CDH13: variants seen among roughly 807,000 people sequenced by gnomAD.
CDH13 encodes the protein cadherin 13.
Under a neutral mutation model 63.8 loss-of-function variants are expected in CDH13, and 24 were observed. That is an observed-to-expected ratio of 0.38 (90% CI 0.27 to 0.53). CDH13 has a LOEUF of 0.53. Among genes scored for constraint, CDH13 ranks in the 20% least tolerant of loss-of-function variants. CDH13 has a pLI of 0.85. For synonymous variants in CDH13, 503 were observed against 355.3 expected (o/e 1.42, Z -4.67); for missense variants, 1,049 against 903.1 (o/e 1.16, Z -2.07).
chr16:82,949,696 A>G lies in CDH13; in HGVS notation c.158-82314A>G, dbSNP rs28550766. Among the ~76,000 whole-genome samples the G allele has an allele frequency of 3.9e-3, 591 of 152,034 alleles. 3 individuals are homozygous for G. The highest frequency in any genetic ancestry group is 0.014 in the African/African-American group (572 of 41,486). ...AGAGAAAACTTTTTTTTTATAGCAAATTGTTTTTCTCAACACATTCTGTCT... is the reference window on the plus strand; with the variant it reads ...AGAGAAAACTTTTTTTTTATAGCAAGTTGTTTTTCTCAACACATTCTGTCT... On this transcript the variant is annotated intron_variant, in intron 2 of 13. Transcript: ENST00000567109.
At chr16:83,294,325 C>G (rs1291501444) in intron 5 of CDH13, among the ~76,000 whole-genome samples, 1 of 152,074 alleles carries the variant, frequency 6.6e-6, no homozygotes, top group East Asian at 1.9e-4. Flanking sequence ...CAATAGTTCT[C>G]TTGAGCTTAT....
At chr16:82,723,755 G>T (rs2032926440) in intron 1 of CDH13, among the ~76,000 whole-genome samples, 1 of 151,984 alleles carries the variant, frequency 6.6e-6, no homozygotes, top group African/African-American at 2.4e-5. Context: ...TTTTGTTTTT[G>T]CTTTAGAATA....
chr16:83,670,814 G>A lies in CDH13; in HGVS notation c.1126G>A (p.Ala376Thr), dbSNP rs35549391. 6.9e-3 allele frequency: 11,130 copies of A among 1,613,924 alleles called. 45 individuals carry two copies. Among genetic ancestry groups the A allele is most frequent in the Non-Finnish European group, 8.1e-3 (9,519 of 1,179,818 alleles). Reference sequence around the variant, plus strand: ...GTTTCAAGCCACAGTCGAGGAAGGAGCTGTGGGAGTTATTGTCAATTTGAC... The same window carrying A: ...GTTTCAAGCCACAGTCGAGGAAGGAACTGTGGGAGTTATTGTCAATTTGAC... ...KEFQATVEEG[A>T]VGVIVNLTVE... is the part of the protein sequence containing the mutation. The change falls in exon 9 of 14, where the codon GCT becomes ACT. Residue 376 changes from alanine to threonine, a missense_variant. Transcript: ENST00000567109.
intron 5 of CDH13, among the ~76,000 whole-genome samples, chr16:83,222,719 C>T (rs112318874): frequency 2.0e-5 from 3 of 152,086 alleles, no homozygotes; most frequent in African/African-American, 7.2e-5. Flanking sequence ...TCAACAAAAT[C>T]ACCTCCAACT....
chr16:83,283,086 A>C (rs898690012), intron 5 of CDH13, among the ~76,000 whole-genome samples: 3 of 152,204 alleles, frequency 2.0e-5, no homozygotes, highest in African/African-American at 7.2e-5. Context: ...GGGGCTGCTC[A>C]ATAAATGTTG....
chr16:83,096,121 T>C (rs528504591), intron 3 of CDH13, among the ~76,000 whole-genome samples: 2 of 152,182 alleles, frequency 1.3e-5, no homozygotes, highest in Non-Finnish European at 2.9e-5. Context: ...TGGAAATATG[T>C]GGAGTTACAG....
At position 83,798,290 on chromosome 16, in the gene CDH13, G is replaced by C. The variant is rs1284323516; in HGVS notation, c.*3260G>C. 6.6e-6 allele frequency: 1 copy of C among 152,212 alleles called. No homozygotes were observed. The highest frequency in any genetic ancestry group is 1.9e-4 in the East Asian group (1 of 5,200). 9.4% of individuals were successfully genotyped at this position (152,212 alleles called of 1,614,324 possible). ...AAGTCTGTGTTTGATCCTGGATTTAGTGCAGTTGCACCCAGGCACGAGCTC... is the reference window on the plus strand; with the variant it reads ...AAGTCTGTGTTTGATCCTGGATTTACTGCAGTTGCACCCAGGCACGAGCTC... On this transcript the variant is annotated 3_prime_UTR_variant, in exon 14 of 14. Coordinates refer to ENST00000567109, the MANE Select transcript of CDH13 (RefSeq NM_001257.5).
intron 3 of CDH13, among the ~76,000 whole-genome samples, chr16:83,037,063 A>G (rs1296806000): frequency 6.6e-6 from 1 of 152,234 alleles, no homozygotes; most frequent in Admixed American, 6.5e-5. Flanking sequence ...AGAAACAGGC[A>G]GGATAAAAAT....
At chr16:83,123,559 G>A (rs1320272021) in intron 3 of CDH13, among the ~76,000 whole-genome samples, 9 of 152,210 alleles carry the variant, frequency 5.9e-5, no homozygotes, top group South Asian at 4.2e-4. Flanking sequence ...GATTACAGGC[G>A]TGAGCCACTG....
At chr16:82,663,986 T>C (rs954081551) in intron 1 of CDH13, among the ~76,000 whole-genome samples, 2 of 152,220 alleles carry the variant, frequency 1.3e-5, no homozygotes, top group South Asian at 2.1e-4. Context: ...CTCAGGACTC[T>C]TTTGGCTCCA....
intron 5 of CDH13, among the ~76,000 whole-genome samples, chr16:83,262,107 C>T (rs929872281): frequency 3.9e-5 from 6 of 152,124 alleles, no homozygotes; most frequent in African/African-American, 1.4e-4. Context: ...CCAAAACATC[C>T]AGGTGGAAGA....
At chr16:83,718,378 A>G (rs1187732321) in intron 10 of CDH13, among the ~76,000 whole-genome samples, 1 of 152,190 alleles carries the variant, frequency 6.6e-6, no homozygotes, top group African/African-American at 2.4e-5. Flanking sequence ...AAATAGTGAA[A>G]GTATGGTTTA....
At chr16:82,809,303 T>C (rs1268051134) in intron 1 of CDH13, among the ~76,000 whole-genome samples, 3 of 49,664 alleles carry the variant, frequency 6.0e-5, no homozygotes, top group Non-Finnish European at 1.2e-4. Flanking sequence ...CCTCTCAAGT[T>C]ATTTACGTCC....
intron 6 of CDH13, among the ~76,000 whole-genome samples, chr16:83,373,339 G>C (rs1015672743): frequency 2.0e-5 from 3 of 152,162 alleles, no homozygotes; most frequent in Non-Finnish European, 4.4e-5. Context: ...TGCAAAGTAA[G>C]CTGATGGGTT....
chr16:83,199,735 G>A (rs557228894), intron 4 of CDH13, among the ~76,000 whole-genome samples: 2 of 152,230 alleles, frequency 1.3e-5, no homozygotes, highest in East Asian at 1.9e-4. Flanking sequence ...TGCCTGCCAC[G>A]GTACAATGTG....
chr16:83,395,147 CAAAAAA>C (rs56374797), intron 6 of CDH13, among the ~76,000 whole-genome samples: 1 of 106,728 alleles, frequency 9.4e-6, no homozygotes, highest in Non-Finnish European at 1.8e-5. Flanking sequence ...GACTCCATCT[CAAAAAA>C]AAAAAAAAAA....
At chr16:83,036,143 C>CTTTT (rs34375178) in intron 3 of CDH13, among the ~76,000 whole-genome samples, 3 of 90,822 alleles carry the variant, frequency 3.3e-5, no homozygotes, top group Non-Finnish European at 6.1e-5. Flanking sequence ...GAGCTCTCCT[C>CTTTT]TTTTTTTTTT....
intron 7 of CDH13, among the ~76,000 whole-genome samples, chr16:83,552,580 C>A (rs1197292806): frequency 6.6e-6 from 1 of 152,168 alleles, no homozygotes; most frequent in African/African-American, 2.4e-5. Flanking sequence ...ACTTTTTTTG[C>A]AGTGAATAGA....
chr16:83,390,352 C>T (rs1318895961), intron 6 of CDH13, among the ~76,000 whole-genome samples: 1 of 152,094 alleles, frequency 6.6e-6, no homozygotes, highest in Non-Finnish European at 1.5e-5. Flanking sequence ...CCATAATTTA[C>T]GTAGATACTA....
Sources: allele counts gnomAD v4.1 joint callset (sites outside exome capture counted in the v4.1 genomes callset), GRCh38; gene constraint gnomAD v4.1.1; transcripts MANE v1.5; gene names NCBI Gene and HGNC (gene_info 2026-07-23, HGNC 2026-07-21).